The following TMEM131 variants were observed in gnomAD, a reference collection of about 807,000 sequenced individuals.
TMEM131 encodes the protein 2610524E03Rik.
Under a neutral mutation model 211.6 loss-of-function variants are expected in TMEM131, and 66 were observed. The observed-to-expected ratio is 0.31, with a 90% CI of 0.26 to 0.38. The LOEUF (loss-of-function observed/expected upper bound fraction) is 0.38. Ranked by LOEUF, TMEM131 falls within the 10% of genes least tolerant of loss-of-function variation. The pLI, the probability that TMEM131 is intolerant of heterozygous loss-of-function variation, is 1.00. For synonymous variants in TMEM131, 844 were observed against 841.3 expected (o/e 1.00, Z -0.06); for missense variants, 2,036 against 2,299.3 (o/e 0.89, Z 2.34).
intron 4 of TMEM131, among the ~76,000 whole-genome samples, chr2:97,869,239 A>T (rs1410848536): frequency 1.3e-5 from 2 of 152,256 alleles, no homozygotes; most frequent in Non-Finnish European, 2.9e-5. Flanking sequence ...GATAAAGAAG[A>T]CAGGATACAT....
intron 5 of TMEM131, among the ~76,000 whole-genome samples, chr2:97,854,995 A>C (rs1008596544): frequency 6.6e-6 from 1 of 152,076 alleles, no homozygotes; most frequent in African/African-American, 2.4e-5. Context: ...GATCTTATAA[A>C]ATTTACTTAT....
intron 1 of TMEM131, among the ~76,000 whole-genome samples, chr2:97,928,427 T>C (rs1186444381): frequency 6.6e-6 from 1 of 151,550 alleles, no homozygotes; most frequent in Non-Finnish European, 1.5e-5. Context: ...GATGCATTTG[T>C]CAAAACAGAA....
chr2:97,881,497 A>G (rs1261488604), intron 4 of TMEM131, among the ~76,000 whole-genome samples: 4 of 151,918 alleles, frequency 2.6e-5, no homozygotes, highest in African/African-American at 9.7e-5. Flanking sequence ...CGTGAGCCAC[A>G]GCATCTGGCT....
intron 1 of TMEM131, among the ~76,000 whole-genome samples, chr2:97,943,007 G>GAAAAGAAAAGAAAAGAAAAGA (rs200029420): frequency 1.6e-5 from 1 of 63,072 alleles, no homozygotes; most frequent in South Asian, 4.3e-4. Flanking sequence ...AGAAAGAAAA[G>GAAAAGAAAAGAAAAGAAAAGA]AAAGAAAAGA....
chr2:97,970,380 A>G (rs1001778724), intron 1 of TMEM131, among the ~76,000 whole-genome samples: 1 of 152,164 alleles, frequency 6.6e-6, no homozygotes, highest in Admixed American at 6.5e-5. Flanking sequence ...CAAAAGAAAC[A>G]GTACAGAGAG....
intron 1 of TMEM131, among the ~76,000 whole-genome samples, chr2:97,949,308 A>T (rs148451779): frequency 6.6e-6 from 1 of 152,298 alleles, no homozygotes; most frequent in African/African-American, 2.4e-5. Flanking sequence ...TATAATATGC[A>T]AACTAATCTA....
At chr2:97,965,899 T>A (rs1253620399) in intron 1 of TMEM131, among the ~76,000 whole-genome samples, 1 of 151,946 alleles carries the variant, frequency 6.6e-6, no homozygotes, top group East Asian at 1.9e-4. Context: ...ATGGCATTAG[T>A]CAATTTTCCT....
At chr2:97,791,744 G>A (rs1488308971) in intron 31 of TMEM131, among the ~76,000 whole-genome samples, 1 of 152,160 alleles carries the variant, frequency 6.6e-6, no homozygotes, top group African/African-American at 2.4e-5. Context: ...CCTGGGTTTT[G>A]AGGTCATCTG....
intron 12 of TMEM131, 145 bp downstream of exon 12, chr2:97,818,468 G>A (rs1414518298): frequency 7.7e-6 from 2 of 260,368 alleles, no homozygotes; most frequent in East Asian, 4.2e-5. Flanking sequence ...TACAGCGGGG[G>A]GGGGCGGGGG....
intron 2 of TMEM131, among the ~76,000 whole-genome samples, chr2:97,920,867 A>T (rs1676710155): frequency 6.6e-6 from 1 of 152,190 alleles, no homozygotes; most frequent in African/African-American, 2.4e-5. Context: ...GTTGAAAAAT[A>T]TACTGTCTCA....
chr2:97,765,295 C>G (rs575738594), intron 35 of TMEM131: 2 of 152,398 alleles, frequency 1.3e-5, no homozygotes, highest in African/African-American at 4.8e-5. Context: ...ACGCCCTACC[C>G]GAGCCTCCAA....
intron 1 of TMEM131, among the ~76,000 whole-genome samples, chr2:97,952,536 G>A (rs1439586548): frequency 6.6e-6 from 1 of 152,092 alleles, no homozygotes; most frequent in Non-Finnish European, 1.5e-5. Flanking sequence ...CAAAAGGAGT[G>A]GCATATTTCT....
chr2:97,771,781 TGGG>T, intron 33 of TMEM131, among the ~76,000 whole-genome samples: 1 of 152,290 alleles, frequency 6.6e-6, no homozygotes, highest in East Asian at 1.9e-4. Context: ...TCCCATTCCA[TGGG>T]GAGGAACTGG....
chr2:97,968,509 C>A (rs1168661451), intron 1 of TMEM131, among the ~76,000 whole-genome samples: 2 of 152,106 alleles, frequency 1.3e-5, no homozygotes, highest in Non-Finnish European at 1.5e-5. Context: ...ACACAGTGGG[C>A]ACTCCTATCT....
intron 24 of TMEM131, 136 bp downstream of exon 24, chr2:97,802,289 CCTT>C (rs1681069749): frequency 1.4e-6 from 1 of 720,446 alleles, no homozygotes; most frequent in Non-Finnish European, 2.2e-6. Flanking sequence ...CTCCCTAAAA[CCTT>C]CTCTCAACCT....
In TMEM131 at chr2:97,941,601, C is replaced by T. The variant is rs534123354; in HGVS notation, c.188-14114G>A. 7.9e-5 allele frequency among the ~76,000 whole-genome samples: 12 copies of T among 152,198 alleles called. No homozygotes were observed. In the East Asian group the frequency reaches 1.5e-3, roughly 20 times the overall value. ...CTGACAAAGGGCTAATATCCAGAAT[C>T]GACAAAGAACTTAAACGAATTTACA... is the stretch of plus-strand genomic sequence containing the variant. On this transcript the variant is annotated intron_variant, in intron 1 of 40. Transcript: ENST00000186436.
At chr2:97,943,053 G>GAAAAGA (rs1320631396) in intron 1 of TMEM131, among the ~76,000 whole-genome samples, 5 of 66,210 alleles carry the variant, frequency 7.6e-5, no homozygotes, top group Admixed American at 5.0e-4. Context: ...AAGAAAGAAA[G>GAAAAGA]AAAGAAAGAA....
At chr2:97,887,924 G>C (rs981347527) in intron 4 of TMEM131, 128 bp downstream of exon 4, 4 of 677,976 alleles carry the variant, frequency 5.9e-6, no homozygotes, top group Middle Eastern at 3.3e-4. Flanking sequence ...AGTATCATTT[G>C]TTTTCCTGAT....
At chr2:97,919,768 C>T (rs1451262535) in intron 2 of TMEM131, among the ~76,000 whole-genome samples, 1 of 152,144 alleles carries the variant, frequency 6.6e-6, no homozygotes, top group Non-Finnish European at 1.5e-5. Context: ...CAGGGTTTCA[C>T]CATATCGGTC....
Sources: gnomAD v4.1 joint callset for allele counts (sites outside exome capture counted in the v4.1 genomes callset) on GRCh38, gnomAD v4.1.1 for gene constraint, MANE v1.5 for transcripts, NCBI Gene and HGNC (gene_info 2026-07-23, HGNC 2026-07-21) for gene names.